The following STK39 variants were observed in gnomAD, a reference collection of about 807,000 sequenced individuals.
STK39 encodes serine/threonine kinase 39.
STK39 carries 20 observed loss-of-function variants against 77.8 expected under a neutral mutation model. That is an observed-to-expected ratio of 0.26 (90% CI 0.18 to 0.37). The LOEUF (loss-of-function observed/expected upper bound fraction) is 0.37, where lower values mean the gene tolerates loss of function less well. Ranked by LOEUF, STK39 falls within the 10% of genes least tolerant of loss-of-function variation. STK39 has a pLI of 1.00. For synonymous variants in STK39, 246 were observed against 234.1 expected (o/e 1.05, Z -0.47); for missense variants, 479 against 656.5 (o/e 0.73, Z 2.95).
chr2:168,118,792 A>C (rs962544279), intron 10 of STK39, among the ~76,000 whole-genome samples: 2 of 152,136 alleles, frequency 1.3e-5, no homozygotes, highest in African/African-American at 4.8e-5. Flanking sequence ...CTTTTTACAG[A>C]CTGGTAAGCA....
chr2:168,021,284 C>A (rs1448831), intron 14 of STK39, among the ~76,000 whole-genome samples: 119,539 of 152,112 alleles, frequency 0.79, 47,275 homozygotes, highest in African/African-American at 0.86. Context: ...GCCTATATCA[C>A]CTGTGGTTCA....
chr2:167,997,081 C>T (rs1299604093), intron 16 of STK39, among the ~76,000 whole-genome samples: 2 of 149,892 alleles, frequency 1.3e-5, no homozygotes, highest in African/African-American at 4.9e-5. Flanking sequence ...TTCCGAGTGT[C>T]TGTATTTATT....
chr2:168,215,914 G>A (rs1163659165), intron 1 of STK39, among the ~76,000 whole-genome samples: 1 of 152,098 alleles, frequency 6.6e-6, no homozygotes, highest in Non-Finnish European at 1.5e-5. Context: ...TGCTCTCTAG[G>A]GACTGACCAG....
chr2:168,060,425 A>G (rs1685635173), intron 14 of STK39, among the ~76,000 whole-genome samples: 1 of 152,208 alleles, frequency 6.6e-6, no homozygotes, highest in Non-Finnish European at 1.5e-5. Context: ...CCACCATGTG[A>G]GGACTCAGTA....
intron 1 of STK39, among the ~76,000 whole-genome samples, chr2:168,221,833 T>TAATTAACCAC (rs1245520359): frequency 1.3e-5 from 2 of 152,096 alleles, no homozygotes; most frequent in Non-Finnish European, 2.9e-5. Context: ...AGATGGAGGA[T>TAATTAACCAC]AATTAACCCA....
intron 12 of STK39, among the ~76,000 whole-genome samples, chr2:168,070,585 T>A (rs1685913721): frequency 8.3e-6 from 1 of 120,466 alleles, no homozygotes; most frequent in Admixed American, 9.3e-5. Flanking sequence ...CCTAATGCTA[T>A]CCCTCCCCCC....
chr2:168,174,540 T>C (rs1253037800), intron 2 of STK39, among the ~76,000 whole-genome samples: 2 of 152,148 alleles, frequency 1.3e-5, no homozygotes, highest in East Asian at 1.9e-4. Flanking sequence ...TATAGTTAGC[T>C]AAAAAAGTTA....
At chr2:168,037,036 C>T (rs562880089) in intron 14 of STK39, among the ~76,000 whole-genome samples, 16 of 152,260 alleles carry the variant, frequency 1.1e-4, no homozygotes, top group East Asian at 3.9e-4. Flanking sequence ...TGCTTTGTTA[C>T]GACTAATGAA....
chr2:168,169,383 G>A (rs767986393), intron 2 of STK39, among the ~76,000 whole-genome samples: 2 of 152,140 alleles, frequency 1.3e-5, no homozygotes, highest in Non-Finnish European at 2.9e-5. Context: ...TCAAAGAAAC[G>A]AGAACAATGT....
chr2:168,128,291 A>C (rs1398052015), intron 10 of STK39, among the ~76,000 whole-genome samples: 1 of 152,046 alleles, frequency 6.6e-6, no homozygotes, highest in Admixed American at 6.6e-5. Flanking sequence ...TGATCAAAAG[A>C]CCCCACGCCA....
chr2:168,074,254 TG>T (rs1279917050), intron 12 of STK39, among the ~76,000 whole-genome samples: 1 of 152,254 alleles, frequency 6.6e-6, no homozygotes, highest in East Asian at 1.9e-4. Context: ...CCAAAGATTT[TG>T]TTTTCTTAAT....
At chr2:168,144,305 ATTTAT>A (rs1049081318) in intron 5 of STK39, among the ~76,000 whole-genome samples, 3 of 151,684 alleles carry the variant, frequency 2.0e-5, no homozygotes, top group African/African-American at 7.3e-5. Context: ...ATTTTTATTT[ATTTAT>A]TTTATTTTTT....
intron 8 of STK39, among the ~76,000 whole-genome samples, chr2:168,132,396 T>C (rs1418974198): frequency 6.6e-6 from 1 of 151,810 alleles, no homozygotes; most frequent in African/African-American, 2.4e-5. Context: ...CAAATTAGCG[T>C]CTTAAAAAAA....
At chr2:168,176,166 G>A (rs10173350) in intron 2 of STK39, among the ~76,000 whole-genome samples, 14,888 of 152,060 alleles carry the variant, frequency 0.098, 1,397 homozygotes, top group East Asian at 0.31. Flanking sequence ...AAATTATACT[G>A]TTTTAGGGTC....
intron 2 of STK39, among the ~76,000 whole-genome samples, chr2:168,173,627 G>A (rs2390642): frequency 0.16 from 24,989 of 151,822 alleles, 2,118 homozygotes; most frequent in East Asian, 0.25. Context: ...GTGAAATCTC[G>A]GCTCACTGCA....
intron 16 of STK39, among the ~76,000 whole-genome samples, chr2:167,991,735 AG>A: frequency 6.6e-6 from 1 of 152,348 alleles, no homozygotes; most frequent in Admixed American, 6.5e-5. Flanking sequence ...GTTGGCGTGG[AG>A]TCAATCCTTC....
intron 14 of STK39, among the ~76,000 whole-genome samples, chr2:168,019,126 C>T (rs1269729247): frequency 1.3e-5 from 2 of 152,096 alleles, no homozygotes; most frequent in Admixed American, 6.6e-5. Context: ...GGGACTGCCG[C>T]AGTTCCTATA....
chr2:168,056,440 GGT>G (rs1685528910), intron 14 of STK39, among the ~76,000 whole-genome samples: 1 of 152,154 alleles, frequency 6.6e-6, no homozygotes, highest in African/African-American at 2.4e-5. Flanking sequence ...CTTTCCAAGA[GGT>G]GGAGAGGGCA....
chr2:168,138,279 T>G, intron 7 of STK39, 58 bp from the exon 8 acceptor site: 3 of 1,545,994 alleles, frequency 1.9e-6, no homozygotes, highest in Non-Finnish European at 2.6e-6. Context: ...TACAATCTAG[T>G]TTTGAATTTT....
Sources: allele counts gnomAD v4.1 joint callset (sites outside exome capture counted in the v4.1 genomes callset), GRCh38; gene constraint gnomAD v4.1.1; transcripts MANE v1.5; gene names NCBI Gene and HGNC (gene_info 2026-07-23, HGNC 2026-07-21).